PCDHGA8: variants seen among roughly 807,000 people sequenced by gnomAD.
The protein encoded by PCDHGA8 is protocadherin gamma-A8.
PCDHGA8 carries 45 observed loss-of-function variants against 59.2 expected under a neutral mutation model. The ratio of observed to expected loss-of-function variants is 0.76; its 90% CI spans 0.60 to 0.98. The LOEUF (loss-of-function observed/expected upper bound fraction) is 0.98. Ranked by LOEUF, PCDHGA8 falls within the 50% of genes least tolerant of loss-of-function variation. The pLI is 0.00. For missense variants in PCDHGA8, 1,257 were observed against 1,196.2 expected, an observed-to-expected ratio of 1.05 and a Z score of -0.75; for synonymous variants, 531 against 519.0, an observed-to-expected ratio of 1.02 and a Z score of -0.32.
chr5:141,449,160 T>G (rs6867451), intron 1 of PCDHGA8, among the ~76,000 whole-genome samples: 8,161 of 152,140 alleles, frequency 0.054, 458 homozygotes, highest in African/African-American at 0.15. Context: ...AAAGAGGAAA[T>G]AGGTGTAATT....
At chr5:141,416,501 T>C (rs1164504285) in intron 1 of PCDHGA8, 6 of 152,148 alleles carry the variant, frequency 3.9e-5, no homozygotes, top group Non-Finnish European at 7.4e-5. Context: ...AAGAGATATA[T>C]GACAAAGCTA....
rs767167411 is a variant in PCDHGA8, at chr5:141,394,741, T to G, written c.1928T>G (p.Val643Gly). ...AGAGATGCGCTCAAGCAGAGCCTCG[T>G]GGTGGCCGTCCAGGACCATGGCCAG... ...LDRDALKQSL[V>G]VAVQDHGQPP... Residue 643 changes from valine (V) to glycine (G), a missense_variant, in exon 1 of 4, where the codon GTG becomes GGG. Coordinates refer to ENST00000398604, the MANE Select transcript of PCDHGA8 (RefSeq NM_032088.2). The G allele has an allele frequency of 3.1e-6, 5 of 1,613,414 alleles. No individual in the cohort carries two copies. Among genetic ancestry groups the G allele is most frequent in the Non-Finnish European group, 4.2e-6 (5 of 1,179,976 alleles).
chr5:141,448,806 G>A (rs1412164815), intron 1 of PCDHGA8, among the ~76,000 whole-genome samples: 1 of 152,008 alleles, frequency 6.6e-6, no homozygotes, highest in Admixed American at 6.5e-5. Context: ...TTAGCCAGGC[G>A]TGATGGCGGG....
intron 1 of PCDHGA8, among the ~76,000 whole-genome samples, chr5:141,492,574 G>T (rs2099742096): frequency 6.6e-6 from 1 of 152,232 alleles, no homozygotes; most frequent in Non-Finnish European, 1.5e-5. Flanking sequence ...TGAGCGAGGC[G>T]CGGGGCCAGG....
At chr5:141,410,471 G>GC in intron 1 of PCDHGA8, 1 of 1,613,988 alleles carries the variant, frequency 6.2e-7, no homozygotes, top group Non-Finnish European at 8.5e-7. Flanking sequence ...TCTGTGCATT[G>GC]CACATACGGG....
intron 2 of PCDHGA8, among the ~76,000 whole-genome samples, chr5:141,497,540 CT>C (rs754207034): frequency 0.18 from 24,498 of 134,808 alleles, 2,020 homozygotes; most frequent in African/African-American, 0.21. Flanking sequence ...TGCAACAAAC[CT>C]TTTTTTTTTT....
At chr5:141,430,140 A>C (rs1295602149) in intron 1 of PCDHGA8, among the ~76,000 whole-genome samples, 1 of 152,202 alleles carries the variant, frequency 6.6e-6, no homozygotes, top group Non-Finnish European at 1.5e-5. Context: ...CCTTCCATTC[A>C]GGATCATTCA....
chr5:141,485,441 A>T lies in PCDHGA8; in HGVS notation c.2425-9366A>T. On this transcript the variant is annotated intron_variant, in intron 1 of 3. Coordinates refer to ENST00000398604, the MANE Select transcript of PCDHGA8 (RefSeq NM_032088.2). The surrounding 1 kb of genome is among the most constrained non-coding windows in gnomAD (Gnocchi z 5.7). ...CGGAGCCCTGCTCATCAAGAACCCA[A>T]TCGACCGAGAGGCACTGTGTGGGCT... is the stretch of plus-strand genomic sequence containing the variant. The T allele has an allele frequency of 6.2e-7, 1 of 1,613,910 alleles. No homozygotes were observed. The highest frequency in any genetic ancestry group is 1.1e-5 in the South Asian group (1 of 91,062).
At chr5:141,419,523 G>C in intron 1 of PCDHGA8, 1 of 1,612,204 alleles carries the variant, frequency 6.2e-7, no homozygotes, top group Non-Finnish European at 8.5e-7. Flanking sequence ...GTGGGCGACC[G>C]TAACGACAAC....
At position 141,432,180 on chromosome 5, in the gene PCDHGA8, T is replaced by G. The variant is rs943491593; in HGVS notation, c.2424+36943T>G. 2 of 1,614,044 alleles carry G rather than the reference T, an allele frequency of 1.2e-6. No homozygotes were observed. The highest frequency in any genetic ancestry group is 1.7e-6 in the Non-Finnish European group (2 of 1,180,036). ...CCCAGAGGAGTTTCCCTCGTCTCTG[T>G]GACCGCCCACGACCCCGACTGTGAA... On this transcript the variant is annotated intron_variant, in intron 1 of 3. Coordinates refer to ENST00000398604, the MANE Select transcript of PCDHGA8 (RefSeq NM_032088.2). This position sits in a 1 kb window ranked among gnomAD's most constrained non-coding sequence, Gnocchi z 6.0.
At chr5:141,401,478 T>A (rs2094159554) in intron 1 of PCDHGA8, among the ~76,000 whole-genome samples, 1 of 152,186 alleles carries the variant, frequency 6.6e-6, no homozygotes. Flanking sequence ...TTTATCCAGG[T>A]TTTCTTGGAT....
At chr5:141,459,490 T>C (rs2098968649) in intron 1 of PCDHGA8, among the ~76,000 whole-genome samples, 1 of 152,236 alleles carries the variant, frequency 6.6e-6, no homozygotes, top group Non-Finnish European at 1.5e-5. Context: ...TATTCTGAAT[T>C]AAAGTGATGT....
At chr5:141,457,514 CAATT>C (rs1258794594) in intron 1 of PCDHGA8, among the ~76,000 whole-genome samples, 2 of 152,260 alleles carry the variant, frequency 1.3e-5, no homozygotes, top group African/African-American at 4.8e-5. Context: ...AGCTTAAAAA[CAATT>C]AATGAGACTA....
intron 3 of PCDHGA8, among the ~76,000 whole-genome samples, chr5:141,509,353 C>A (rs2099876446): frequency 6.6e-6 from 1 of 152,170 alleles, no homozygotes; most frequent in Non-Finnish European, 1.5e-5. Context: ...CTGGCCTGGG[C>A]ATCCCTGAGG....
At position 141,392,658 on chromosome 5, in the gene PCDHGA8, C is replaced by T; in HGVS notation, c.-156C>T. On this transcript the variant is annotated 5_prime_UTR_variant, in exon 1 of 4. Coordinates refer to ENST00000398604, the MANE Select transcript of PCDHGA8 (RefSeq NM_032088.2). Reference sequence around the variant, plus strand: ...ACACCTCACGAAGACCCGCAGATGCCACAAACTAACTGCTGGACTGCAGCG... The same window carrying T: ...ACACCTCACGAAGACCCGCAGATGCTACAAACTAACTGCTGGACTGCAGCG... 1 of 778,114 alleles carries T rather than the reference C, an allele frequency of 1.3e-6. No individual in the cohort carries two copies. The highest frequency in any genetic ancestry group is 1.9e-6 in the Non-Finnish European group (1 of 514,452). The allele number at this position is 778,114 out of a possible 1,614,324, so 48.2% of individuals were successfully genotyped here. A position where few individuals can be genotyped will look rare whatever the true frequency, so the allele number is the denominator to read the frequency against.
At position 141,431,604 on chromosome 5, in the gene PCDHGA8, G is replaced by A; in HGVS notation, c.2424+36367G>A. On this transcript the variant is annotated intron_variant, in intron 1 of 3. Coordinates refer to ENST00000398604, the MANE Select transcript of PCDHGA8 (RefSeq NM_032088.2). The surrounding 1 kb of genome is among the most constrained non-coding windows in gnomAD (Gnocchi z 4.8). ...AATGCGGAAGTGAGGTATTCCTTCCGGTATGTGGACGACAAGGCGGCCCAA... is the reference window on the plus strand; with the variant it reads ...AATGCGGAAGTGAGGTATTCCTTCCAGTATGTGGACGACAAGGCGGCCCAA... 8 of 1,614,206 alleles carry A rather than the reference G, an allele frequency of 5.0e-6. No individual in the cohort carries two copies. Among genetic ancestry groups the A allele is most frequent in the Non-Finnish European group, 6.8e-6 (8 of 1,180,046 alleles).
Position 141,485,411 on chromosome 5 carries a change from G to C in PCDHGA8, c.2425-9396G>C, listed in dbSNP as rs1412397411. On this transcript the variant is annotated intron_variant, in intron 1 of 3. Coordinates refer to ENST00000398604, the MANE Select transcript of PCDHGA8 (RefSeq NM_032088.2). This position sits in a 1 kb window ranked among gnomAD's most constrained non-coding sequence, Gnocchi z 5.7. The stretch of plus-strand genomic sequence containing the variant: ...CCAAAGACACTTCCGTGTGGATTTG[G>C]ACAGCGGAGCCCTGCTCATCAAGAA... The C allele has an allele frequency of 2.5e-6, 4 of 1,614,054 alleles. No homozygotes were observed. Among genetic ancestry groups the C allele is most frequent in the Non-Finnish European group, 3.4e-6 (4 of 1,180,044 alleles).
At chr5:141,510,132 G>A (rs920772998) in intron 3 of PCDHGA8, among the ~76,000 whole-genome samples, 2 of 152,120 alleles carry the variant, frequency 1.3e-5, no homozygotes, top group African/African-American at 4.8e-5. Context: ...AAATTAGCTG[G>A]GCTAGTGGTG....
chr5:141,467,063 T>C (rs1405374001), intron 1 of PCDHGA8, among the ~76,000 whole-genome samples: 2 of 151,716 alleles, frequency 1.3e-5, no homozygotes, highest in African/African-American at 2.4e-5. Flanking sequence ...TTCTTTTTTT[T>C]TTTTTTTTAG....
Sources: allele counts gnomAD v4.1 joint callset (sites outside exome capture counted in the v4.1 genomes callset), GRCh38; gene constraint gnomAD v4.1.1; non-coding constraint Gnocchi (gnomAD v3.1); transcripts MANE v1.5; gene names NCBI Gene and HGNC (gene_info 2026-07-23, HGNC 2026-07-21).